Variants in UGT1A10 observed in about 807,000 individuals in gnomAD.
UGT1A10 encodes UDP glucuronosyltransferase family 1 member A10.
In UGT1A10, 49 loss-of-function variants were observed where a neutral mutation model predicts 45.8. That is an observed-to-expected ratio of 1.07 (90% CI 0.85 to 1.36). UGT1A10 has a LOEUF of 1.36. Ranked by LOEUF, UGT1A10 falls within the 40% of genes most tolerant of loss-of-function variation. The pLI is 0.00. For synonymous variants in UGT1A10, 284 were observed against 249.7 expected (o/e 1.14, Z -1.29); for missense variants, 745 against 668.6 (o/e 1.11, Z -1.26).
chr2:233,728,258 A>G (rs1381126845), intron 1 of UGT1A10, among the ~76,000 whole-genome samples: 1 of 152,204 alleles, frequency 6.6e-6, no homozygotes, highest in East Asian at 1.9e-4. Flanking sequence ...GATGACTGAA[A>G]TAAAGACTGG....
intron 1 of UGT1A10, among the ~76,000 whole-genome samples, chr2:233,670,313 AAGG>A (rs1470001555): frequency 6.6e-6 from 1 of 152,170 alleles, no homozygotes; most frequent in Non-Finnish European, 1.5e-5. Flanking sequence ...GTGGAGGAAG[AAGG>A]AGGAGAGACA....
At chr2:233,724,125 C>T (rs2077171619) in intron 1 of UGT1A10, among the ~76,000 whole-genome samples, 1 of 108,600 alleles carries the variant, frequency 9.2e-6, no homozygotes, top group African/African-American at 4.7e-5. Flanking sequence ...AGGCGCCCCT[C>T]ACCTCCCGGA....
chr2:233,743,498 G>A (rs1452384888), intron 1 of UGT1A10: 3 of 1,367,176 alleles, frequency 2.2e-6, no homozygotes, highest in Middle Eastern at 2.1e-4. Context: ...GCAGAGAAAA[G>A]GGGTGCAGAC....
At chr2:233,742,442 C>T (rs112027081) in intron 1 of UGT1A10, among the ~76,000 whole-genome samples, 3,340 of 152,032 alleles carry the variant, frequency 0.022, 220 homozygotes, top group African/African-American at 0.075. Flanking sequence ...CCTGGGTGGG[C>T]CAGGTGTTCC....
At chr2:233,653,888 C>T (rs779681223) in intron 1 of UGT1A10, among the ~76,000 whole-genome samples, 1 of 152,316 alleles carries the variant, frequency 6.6e-6, no homozygotes, top group Non-Finnish European at 1.5e-5. Context: ...TGGGCCACCA[C>T]GCCCGGCCAA....
intron 1 of UGT1A10, chr2:233,729,394 G>T: frequency 1.2e-6 from 2 of 1,613,862 alleles, no homozygotes; most frequent in Non-Finnish European, 1.7e-6. Context: ...GGATGAATTT[G>T]ATCGCCATGT....
intron 1 of UGT1A10, among the ~76,000 whole-genome samples, chr2:233,669,082 A>G (rs28970005): frequency 0.02 from 3,025 of 152,316 alleles, 100 homozygotes; most frequent in African/African-American, 0.069. Context: ...ATGGATACCC[A>G]ACTGTTGAAG....
At chr2:233,653,310 CATACAGGT>C (rs772456225) in intron 1 of UGT1A10, among the ~76,000 whole-genome samples, 1 of 152,200 alleles carries the variant, frequency 6.6e-6, no homozygotes, top group Non-Finnish European at 1.5e-5. Context: ...GTAATAATAA[CATACAGGT>C]ATCTTTGCAA....
chr2:233,655,245 A>C (rs1010495385), intron 1 of UGT1A10, among the ~76,000 whole-genome samples: 1 of 152,174 alleles, frequency 6.6e-6, no homozygotes, highest in African/African-American at 2.4e-5. Flanking sequence ...ATTATCAGCT[A>C]CCTGTTTTCC....
At chr2:233,673,160 G>C (rs1042017198) in intron 1 of UGT1A10, among the ~76,000 whole-genome samples, 1 of 152,050 alleles carries the variant, frequency 6.6e-6, no homozygotes, top group African/African-American at 2.4e-5. Flanking sequence ...TTTTAAAAAA[G>C]TACTTTAGGT....
At chr2:233,747,820 A>T in intron 1 of UGT1A10, 1 of 1,613,402 alleles carries the variant, frequency 6.2e-7, no homozygotes, top group East Asian at 2.2e-5. Context: ...ACCAATTCAG[A>T]CCACATGACA....
intron 1 of UGT1A10, among the ~76,000 whole-genome samples, chr2:233,671,091 A>C (rs1215160512): frequency 6.6e-6 from 1 of 152,168 alleles, no homozygotes; most frequent in Non-Finnish European, 1.5e-5. Context: ...AGTTGACATC[A>C]CCTCTGACCT....
intron 1 of UGT1A10, among the ~76,000 whole-genome samples, chr2:233,697,309 ATTGT>A (rs1228045255): frequency 2.0e-5 from 3 of 151,956 alleles, no homozygotes; most frequent in Admixed American, 6.6e-5. Context: ...ATCTTGGTAG[ATTGT>A]TTGTGTTTGG....
chr2:233,682,641 T>C (rs779606740), intron 1 of UGT1A10: 1 of 1,613,940 alleles, frequency 6.2e-7, no homozygotes, highest in South Asian at 1.1e-5. Flanking sequence ...TCTGAAATTC[T>C]CCAAACCCCT....
chr2:233,765,727 T>TA (rs1026006694), intron 1 of UGT1A10, among the ~76,000 whole-genome samples: 8 of 150,756 alleles, frequency 5.3e-5, no homozygotes, highest in Non-Finnish European at 1.0e-4. Context: ...ATAATAATAA[T>TA]AATAAATAAA....
At chr2:233,693,011 T>G (rs952718997) in intron 1 of UGT1A10, 2 of 1,614,200 alleles carry the variant, frequency 1.2e-6, no homozygotes, top group Non-Finnish European at 1.7e-6. Context: ...CAGGATGGCC[T>G]GCCTCCTTCG....
intron 1 of UGT1A10, among the ~76,000 whole-genome samples, chr2:233,674,329 G>A (rs886811477): frequency 6.6e-6 from 1 of 152,158 alleles, no homozygotes; most frequent in African/African-American, 2.4e-5. Context: ...GCTAGGAGAT[G>A]CAAATGGCAG....
At chr2:233,754,654 T>C (rs1182813950) in intron 1 of UGT1A10, 3 of 457,300 alleles carry the variant, frequency 6.6e-6, no homozygotes, top group Admixed American at 4.9e-5. Context: ...TCAATGATTC[T>C]CTTGGTGGTG....
intron 1 of UGT1A10, among the ~76,000 whole-genome samples, chr2:233,674,619 A>G (rs1289670795): frequency 6.6e-6 from 1 of 150,640 alleles, no homozygotes; most frequent in Non-Finnish European, 1.5e-5. Flanking sequence ...CAAACTATAT[A>G]TGGTTTCATT....
Sources: allele counts gnomAD v4.1 joint callset (sites outside exome capture counted in the v4.1 genomes callset), GRCh38; gene constraint gnomAD v4.1.1; transcripts MANE v1.5; gene names NCBI Gene and HGNC (gene_info 2026-07-23, HGNC 2026-07-21).